FNDC3B: variants seen among roughly 807,000 people sequenced by gnomAD.
The protein encoded by FNDC3B is fibronectin type III domain-containing protein 3B.
FNDC3B carries 12 observed loss-of-function variants against 151.5 expected under a neutral mutation model. The observed-to-expected ratio is 0.08, with a 90% CI of 0.05 to 0.13. The LOEUF (loss-of-function observed/expected upper bound fraction) is 0.13, where lower values mean the gene tolerates loss of function less well. FNDC3B is among the 10% of genes least tolerant of loss of function. The probability of loss-of-function intolerance (pLI) is 1.00; values close to 1 mark genes in which losing one functional copy is unlikely to be tolerated. For synonymous variants in FNDC3B, 528 were observed against 549.0 expected, an observed-to-expected ratio of 0.96 and a Z score of 0.54; for missense variants, 1,214 against 1,505.3, an observed-to-expected ratio of 0.81 and a Z score of 3.20.
intron 6 of FNDC3B, among the ~76,000 whole-genome samples, chr3:172,280,469 T>C (rs1234415885): frequency 1.3e-5 from 2 of 152,250 alleles, no homozygotes; most frequent in Non-Finnish European, 2.9e-5. Flanking sequence ...TAGTTCATTA[T>C]ACATGATTTG....
intron 7 of FNDC3B, among the ~76,000 whole-genome samples, chr3:172,289,706 G>A (rs975712538): frequency 2.0e-5 from 3 of 152,200 alleles, no homozygotes; most frequent in Non-Finnish European, 4.4e-5. Context: ...GCTGTAGCTG[G>A]GTTCTGGCCG....
chr3:172,156,517 G>C (rs1274370512), intron 3 of FNDC3B, among the ~76,000 whole-genome samples: 1 of 152,220 alleles, frequency 6.6e-6, no homozygotes, highest in African/African-American at 2.4e-5. Flanking sequence ...CAGCCAGCAA[G>C]TGACTGGCAC....
intron 23 of FNDC3B, among the ~76,000 whole-genome samples, chr3:172,374,099 G>A (rs1472535514): frequency 6.6e-6 from 1 of 152,188 alleles, no homozygotes; most frequent in Non-Finnish European, 1.5e-5. Context: ...AAGCGTCTCT[G>A]CCTGTACTTC....
chr3:172,362,916 AT>A, intron 23 of FNDC3B, 71 bp downstream of exon 23: 1 of 1,239,356 alleles, frequency 8.1e-7, no homozygotes. Context: ...TCAATTGTAC[AT>A]TTTTATTTGC....
intron 3 of FNDC3B, among the ~76,000 whole-genome samples, chr3:172,168,063 A>G (rs1001497574): frequency 6.6e-6 from 1 of 152,208 alleles, no homozygotes. Flanking sequence ...TCTTTTCTCT[A>G]TACAGAACAT....
chr3:172,338,650 A>G (rs1733116580), intron 16 of FNDC3B, among the ~76,000 whole-genome samples: 2 of 152,242 alleles, frequency 1.3e-5, no homozygotes, highest in African/African-American at 4.8e-5. Context: ...TTAATAGAGA[A>G]AAGTATAGTC....
chr3:172,127,645 C>A (rs951734350), intron 2 of FNDC3B, among the ~76,000 whole-genome samples: 2 of 151,930 alleles, frequency 1.3e-5, no homozygotes, highest in Non-Finnish European at 1.5e-5. Flanking sequence ...GAGGATACAG[C>A]TTTTTTTTAA....
intron 4 of FNDC3B, among the ~76,000 whole-genome samples, chr3:172,235,433 G>T (rs563139609): frequency 5.9e-5 from 9 of 152,276 alleles, no homozygotes; most frequent in African/African-American, 1.9e-4. Flanking sequence ...GGGGATTAGG[G>T]TCTGTGTACC....
intron 4 of FNDC3B, among the ~76,000 whole-genome samples, chr3:172,236,734 GCTAA>G (rs1301315137): frequency 1.3e-5 from 2 of 152,196 alleles, no homozygotes; most frequent in Non-Finnish European, 2.9e-5. Context: ...GCTGTAGCTA[GCTAA>G]CTGAGGGCTC....
chr3:172,116,012 G>A (rs148054403), intron 2 of FNDC3B, among the ~76,000 whole-genome samples: 60 of 152,218 alleles, frequency 3.9e-4, no homozygotes, highest in African/African-American at 9.9e-4. Flanking sequence ...TCTCTGTTGC[G>A]TTCTGGCTCT....
At chr3:172,134,395 A>T (rs1174578749) in intron 3 of FNDC3B, 1 of 518,586 alleles carries the variant, frequency 1.9e-6, no homozygotes, top group Non-Finnish European at 3.9e-6. Flanking sequence ...GCTCTTTTTG[A>T]CAGTGACTGG....
intron 1 of FNDC3B, among the ~76,000 whole-genome samples, chr3:172,079,258 G>C (rs546041393): frequency 1.3e-5 from 2 of 152,232 alleles, no homozygotes; most frequent in South Asian, 4.1e-4. Flanking sequence ...ATCTTCTGCT[G>C]GTTGGGGAAA....
chr3:172,272,350 A>G (rs569008193), intron 6 of FNDC3B, among the ~76,000 whole-genome samples: 13 of 152,224 alleles, frequency 8.5e-5, no homozygotes, highest in African/African-American at 2.4e-4. Flanking sequence ...ACCTCCCGTT[A>G]TGAAACCAAG....
intron 1 of FNDC3B, among the ~76,000 whole-genome samples, chr3:172,070,738 T>C (rs1170016261): frequency 1.3e-5 from 2 of 152,210 alleles, no homozygotes; most frequent in African/African-American, 4.8e-5. Flanking sequence ...TGGATCCCCC[T>C]GGACTTATTA....
chr3:172,095,104 C>G (rs1388425026), intron 1 of FNDC3B, among the ~76,000 whole-genome samples: 2 of 152,068 alleles, frequency 1.3e-5, no homozygotes, highest in African/African-American at 4.8e-5. Context: ...GACTCAGACA[C>G]AGTTCTGTCT....
intron 6 of FNDC3B, 105 bp from the exon 7 acceptor site, chr3:172,285,821 A>G (rs1236853634): frequency 3.9e-6 from 3 of 772,726 alleles, no homozygotes; most frequent in Non-Finnish European, 6.6e-6. Context: ...ATAACAGGCA[A>G]CTGATTTAAT....
intron 1 of FNDC3B, among the ~76,000 whole-genome samples, chr3:172,094,280 A>G (rs1718989375): frequency 2.0e-5 from 3 of 152,368 alleles, no homozygotes; most frequent in Admixed American, 1.3e-4. Flanking sequence ...TGTCCCTTCT[A>G]AAAGAAACCT....
chr3:172,054,156 A>T (rs1716802584), intron 1 of FNDC3B, among the ~76,000 whole-genome samples: 1 of 152,182 alleles, frequency 6.6e-6, no homozygotes. Flanking sequence ...TCCTAATACT[A>T]ACTGTTTTTC....
chr3:172,043,859 A>G (rs1716221639), intron 1 of FNDC3B, among the ~76,000 whole-genome samples: 2 of 152,234 alleles, frequency 1.3e-5, no homozygotes, highest in Non-Finnish European at 2.9e-5. Flanking sequence ...CTTGTTGGTT[A>G]TTTTAGTGTA....
Sources: gnomAD v4.1 joint callset for allele counts (sites outside exome capture counted in the v4.1 genomes callset) on GRCh38, gnomAD v4.1.1 for gene constraint, MANE v1.5 for transcripts, NCBI Gene and HGNC (gene_info 2026-07-23, HGNC 2026-07-21) for gene names.